CLPX: variants seen among roughly 807,000 people sequenced by gnomAD.
CLPX encodes caseinolytic mitochondrial matrix peptidase chaperone subunit X, also known as ATP-dependent clpX-like chaperone, mitochondrial.
A neutral mutation model predicts 76.4 loss-of-function variants in CLPX; 34 were observed. The ratio of observed to expected loss-of-function variants is 0.45; its 90% CI spans 0.34 to 0.59. The LOEUF (loss-of-function observed/expected upper bound fraction) is 0.59, where lower values mean the gene tolerates loss of function less well. Among genes scored for constraint, CLPX ranks in the 20% least tolerant of loss-of-function variants. The pLI is 0.01. For missense variants in CLPX, 613 were observed against 757.0 expected, an observed-to-expected ratio of 0.81 and a Z score of 2.23; for synonymous variants, 248 against 270.9, an observed-to-expected ratio of 0.92 and a Z score of 0.83.
chr15:65,157,640 T>C (rs1296815269), intron 8 of CLPX, 106 bp downstream of exon 8: 1 of 1,066,076 alleles, frequency 9.4e-7, no homozygotes, highest in East Asian at 2.6e-5. Flanking sequence ...TTTATATAAT[T>C]ACAGAATTTT....
intron 3 of CLPX, among the ~76,000 whole-genome samples, chr15:65,174,117 G>A (rs899315497): frequency 1.3e-5 from 2 of 151,896 alleles, no homozygotes; most frequent in African/African-American, 4.8e-5. Context: ...TGGGACTACA[G>A]GCGTGCCCCA....
Position 65,180,085 on chromosome 15 carries a change from T to C in CLPX, c.199A>G (p.Lys67Glu). Residue 67 changes from lysine to glutamate, a missense_variant, in exon 2 of 14, where the codon AAA becomes GAA. Transcript: ENST00000300107. ...GAACCATCTTTACTTATCCCATCTTTTGAGGCAAAGTATGCTGGTGTTTCT... is the reference window on the plus strand; with the variant it reads ...GAACCATCTTTACTTATCCCATCTTCTGAGGCAAAGTATGCTGGTGTTTCT... ...FTETPAYFAS[K>E]DGISKDGSGD... 3.1e-6 allele frequency: 5 copies of C among 1,611,480 alleles called. No individual in the cohort carries two copies. Among genetic ancestry groups the C allele is most frequent in the Non-Finnish European group, 4.2e-6 (5 of 1,178,710 alleles).
At position 65,185,255 on chromosome 15, in the gene CLPX, C is replaced by T. The variant is rs1194310691; in HGVS notation, c.-102G>A. ...GCGCTGACTCGGTTCCGAACCCTTT[C>T]GCGGGCCCTAGACCCCGTGGAGAGT... On this transcript the variant is annotated 5_prime_UTR_variant, in exon 1 of 14. Coordinates refer to ENST00000300107, the MANE Select transcript of CLPX (RefSeq NM_006660.5). 1 of 964,626 alleles carries T rather than the reference C, an allele frequency of 1.0e-6. No homozygotes were observed. The highest frequency in any genetic ancestry group is 1.6e-6 in the Non-Finnish European group (1 of 634,004). The allele number at this position is 964,626 out of a possible 1,614,324, so 59.8% of individuals were successfully genotyped here.
Position 65,151,828 on chromosome 15 carries a change from T to C in CLPX, c.1811+602A>G, listed in dbSNP as rs370760751. Reference sequence around the variant, plus strand: ...TTGAGTTAAACAGAAACCTAGCTTTTGTGTAGGTAACATTAATGTCAAGCA... The same window carrying C: ...TTGAGTTAAACAGAAACCTAGCTTTCGTGTAGGTAACATTAATGTCAAGCA... On this transcript the variant is annotated intron_variant, in intron 13 of 13. Coordinates refer to ENST00000300107, the MANE Select transcript of CLPX (RefSeq NM_006660.5). 4.6e-5 allele frequency among the ~76,000 whole-genome samples: 7 copies of C among 152,204 alleles called. No homozygotes were observed. In the East Asian group the frequency reaches 9.6e-4, roughly 21 times the overall value.
chr15:65,181,793 T>G (rs555899510), intron 1 of CLPX, among the ~76,000 whole-genome samples: 56 of 120,850 alleles, frequency 4.6e-4, no homozygotes, highest in South Asian at 3.5e-3. Flanking sequence ...AATAAATAAA[T>G]AAAGATAGTA....
intron 3 of CLPX, among the ~76,000 whole-genome samples, chr15:65,175,669 A>G (rs887598595): frequency 2.0e-5 from 3 of 152,180 alleles, no homozygotes; most frequent in Non-Finnish European, 4.4e-5. Flanking sequence ...AAATGCTCCA[A>G]TGGAGCATTT....
intron 9 of CLPX, 92 bp downstream of exon 9, chr15:65,156,750 ATC>A (rs2087794107): frequency 1.3e-6 from 1 of 747,774 alleles, no homozygotes; most frequent in Non-Finnish European, 2.3e-6. Flanking sequence ...ATAAAACAGA[ATC>A]TAATTGAATG....
chr15:65,154,038 TA>T (rs1368829070), intron 11 of CLPX, among the ~76,000 whole-genome samples: 4 of 152,200 alleles, frequency 2.6e-5, no homozygotes, highest in Admixed American at 6.5e-5. Flanking sequence ...GGGAGACATC[TA>T]AATAAGACTA....
chr15:65,155,817 G>C lies in CLPX; in HGVS notation c.1186C>G (p.Pro396Ala), dbSNP rs2087783149. The change falls in exon 10 of 14, where the codon CCA becomes GCA. Residue 396 changes from proline (P) to alanine (A), a missense_variant. Transcript: ENST00000300107. ...KLLEGTIVNVPEKNSRKLRGE... is the reference protein window; with the variant it reads ...KLLEGTIVNVAEKNSRKLRGE... ...CGGAGCTTTCGGGAATTCTTTTCTG[G>C]AACATTGACTATTGTGCCTTCTAGT... The C allele has an allele frequency of 6.2e-7, 1 of 1,613,740 alleles. No homozygotes were observed. The highest frequency in any genetic ancestry group is 2.2e-5 in the East Asian group (1 of 44,872).
At chr15:65,151,536 T>C (rs2087721591) in intron 13 of CLPX, among the ~76,000 whole-genome samples, 1 of 149,190 alleles carries the variant, frequency 6.7e-6, no homozygotes, top group Non-Finnish European at 1.5e-5. Context: ...CAAGAAAGTA[T>C]CATCTGTTAT....
Position 65,155,011 on chromosome 15 carries a change from T to G in CLPX, c.1382A>C (p.Asn461Thr). Residue 461 changes from asparagine (N) to threonine (T), a missense_variant, in exon 11 of 14, where the codon AAT (asparagine) becomes ACT (threonine). Physicochemically the swap from Asn to Thr is moderately conservative, Grantham distance 65. This residue lies in a region of CLPX where 450 missense variants were observed against 638.6 expected (regional missense o/e 0.70). Transcript: ENST00000300107. Reference sequence around the variant, plus strand: ...GTGAGTATTCGATTCCCCACTTCGATTAGCAAGGTCTGCAGCAGCTGCAGC... The same window carrying G: ...GTGAGTATTCGATTCCCCACTTCGAGTAGCAAGGTCTGCAGCAGCTGCAGC... ...RRAAAAADLA[N>T]RSGESNTHQD... 6.2e-7 allele frequency: 1 copy of G among 1,614,166 alleles called. No individual in the cohort carries two copies. The highest frequency in any genetic ancestry group is 8.5e-7 in the Non-Finnish European group (1 of 1,180,024).
chr15:65,160,118 T>A (rs1402819569), intron 6 of CLPX, among the ~76,000 whole-genome samples: 2 of 152,212 alleles, frequency 1.3e-5, no homozygotes, highest in Non-Finnish European at 2.9e-5. Context: ...TGGCCTAAAT[T>A]TTATTTTCTA....
chr15:65,171,814 C>A (rs1350681979), intron 3 of CLPX, among the ~76,000 whole-genome samples: 1 of 152,196 alleles, frequency 6.6e-6, no homozygotes, highest in Non-Finnish European at 1.5e-5. Flanking sequence ...AATGATTAAA[C>A]ACCAACAAAT....
chr15:65,155,752 A>C lies in CLPX; in HGVS notation c.1251T>G (p.Phe417Leu), dbSNP rs781102222. Residue 417 changes from phenylalanine (F) to leucine (L), a missense_variant, in exon 10 of 14, where the codon TTT becomes TTG. By Grantham distance (22) the Phe-to-Leu change is conservative (BLOSUM62 0). Transcript: ENST00000300107. Reference protein sequence around the residue: ...TVQVDTTNILFVASGAFNGLD... With the variant: ...TVQVDTTNILLVASGAFNGLD... ...AACCATTGAAAGCACCAGATGCCAC[A>C]AACAGGATGTTTGTTGTATCAACTT... 2.5e-6 allele frequency: 4 copies of C among 1,614,038 alleles called. No homozygotes were observed. The African/African-American group carries it at 4.0e-5, about 16-fold the overall frequency.
intron 3 of CLPX, among the ~76,000 whole-genome samples, chr15:65,168,648 A>C (rs2087953740): frequency 6.6e-6 from 1 of 150,926 alleles, no homozygotes; most frequent in Non-Finnish European, 1.5e-5. Context: ...ACCTAATGTA[A>C]ATGATGAGTT....
chr15:65,151,004 G>A, intron 13 of CLPX, 91 bp from the exon 14 acceptor site: 1 of 799,392 alleles, frequency 1.3e-6, no homozygotes, highest in Non-Finnish European at 2.0e-6. Context: ...ACCTCTCCTA[G>A]CTAAGAAAGC....
intron 3 of CLPX, among the ~76,000 whole-genome samples, chr15:65,174,830 G>C (rs937586564): frequency 2.0e-5 from 3 of 152,110 alleles, no homozygotes; most frequent in Non-Finnish European, 4.4e-5. Context: ...ATAAAAGCTA[G>C]GTATAAGTAG....
Position 65,166,635 on chromosome 15 carries a change from T to A in CLPX, c.509A>T (p.Lys170Met). The A allele has an allele frequency of 6.2e-7, 1 of 1,613,938 alleles. No homozygotes were observed. Among genetic ancestry groups the A allele is most frequent in the Non-Finnish European group, 8.5e-7 (1 of 1,179,908 alleles). Residue 170 changes from lysine (K) to methionine (M), a missense_variant, in exon 4 of 14, where the codon AAG becomes ATG. Transcript: ENST00000300107. ...GACTGAGCTTAAGACTTATACCTTCTTAGGGGGAGGTGGTGGTTTCTGTTG... is the reference window on the plus strand; with the variant it reads ...GACTGAGCTTAAGACTTATACCTTCATAGGGGGAGGTGGTGGTTTCTGTTG... The part of the protein sequence containing the change: ...AFQQKPPPPP[K>M]KIYNYLDKYV...
chr15:65,185,025 C>T (rs780145922), intron 1 of CLPX, 50 bp downstream of exon 1: 2 of 1,478,764 alleles, frequency 1.4e-6, no homozygotes, highest in South Asian at 1.2e-5. Flanking sequence ...TTGGCCAGTC[C>T]ACCCCCCCCC....
Sources: allele counts gnomAD v4.1 joint callset (sites outside exome capture counted in the v4.1 genomes callset), GRCh38; gene constraint gnomAD v4.1.1; regional missense constraint gnomAD v4.1.1; transcripts MANE v1.5; gene names NCBI Gene and HGNC (gene_info 2026-07-23, HGNC 2026-07-21).